Variants in THNSL1 observed in about 807,000 individuals in gnomAD.
The protein encoded by THNSL1 is threonine synthase-like 1.
In THNSL1, 48 loss-of-function variants were observed where a neutral mutation model predicts 50.4. The ratio of observed to expected loss-of-function variants is 0.95; its 90% confidence interval spans 0.76 to 1.21. The LOEUF is 1.21. THNSL1 is among the 50% of genes most tolerant of loss of function. The probability of loss-of-function intolerance (pLI) is 0.00; values close to 1 mark genes in which losing one functional copy is unlikely to be tolerated. For missense variants in THNSL1, 896 were observed against 871.7 expected, an observed-to-expected ratio of 1.03 and a Z score of -0.35; for synonymous variants, 309 against 306.1, an observed-to-expected ratio of 1.01 and a Z score of -0.10.
the THNSL1 span, chr10:24,990,549 C>T: frequency 1.2e-6 from 2 of 1,613,828 alleles, no homozygotes; most frequent in East Asian, 2.2e-5. Context: ...TCATAGTCTT[C>T]TTGGGCTTTC....
intron 2 of THNSL1, among the ~76,000 whole-genome samples, 155 bp from the exon 3 acceptor site, chr10:25,023,021 A>T (rs546252889): frequency 6.6e-6 from 1 of 152,314 alleles, no homozygotes; most frequent in African/African-American, 2.4e-5. Context: ...TTGGGTTGGA[A>T]TACTTTTTTT....
chr10:24,978,755 A>T, the THNSL1 span, among the ~76,000 whole-genome samples: 1 of 152,180 alleles, frequency 6.6e-6, no homozygotes, highest in Admixed American at 6.5e-5. Flanking sequence ...GCTTTCCTGC[A>T]TTCCGATCAG....
chr10:24,994,114 C>T, the THNSL1 span, among the ~76,000 whole-genome samples: 2 of 152,082 alleles, frequency 1.3e-5, no homozygotes, highest in Admixed American at 6.5e-5. Context: ...CCTTGAGGGT[C>T]CTGTTTTGAT....
upstream of THNSL1, among the ~76,000 whole-genome samples, chr10:25,014,819 CA>C (rs1850528853): frequency 6.6e-6 from 1 of 152,096 alleles, no homozygotes; most frequent in Non-Finnish European, 1.5e-5. Flanking sequence ...TAATTTAAAC[CA>C]GATACTTAAA....
Position 25,025,523 on chromosome 10 carries a change from G to C in THNSL1, c.*68G>C, listed in dbSNP as rs977944748. The stretch of plus-strand genomic sequence containing the variant: ...ATAATAAATCTCAAACACTGATTTG[G>C]AGTACAGTAGCATTTTGTCTTTTAT... On this transcript the variant is annotated 3_prime_UTR_variant, in exon 3 of 3. Coordinates refer to ENST00000376356, the MANE Select transcript of THNSL1 (RefSeq NM_024838.5). 4.9e-6 allele frequency: 7 copies of C among 1,417,566 alleles called. 1 individual carries two copies. The highest frequency in any genetic ancestry group is 4.5e-5 in the Admixed American group (2 of 44,764). 87.8% of individuals were successfully genotyped at this position (1,417,566 alleles called of 1,614,324 possible).
Position 25,025,471 on chromosome 10 carries a change from ATTT to A in THNSL1, c.*23_*25del. ...ATTCATATGAAAGCTTTCAGAGTAA[ATTT>A]TTTTTTCTAGCTATAAGCATGCAAT... On this transcript the variant is annotated 3_prime_UTR_variant, in exon 3 of 3. Coordinates refer to ENST00000376356, the MANE Select transcript of THNSL1 (RefSeq NM_024838.5). 8 of 1,580,450 alleles carry A rather than the reference ATTT, an allele frequency of 5.1e-6. No individual in the cohort carries two copies. The highest frequency in any genetic ancestry group is 6.0e-6 in the Non-Finnish European group (7 of 1,166,658).
Position 25,025,688 on chromosome 10 carries a change from T to G in THNSL1, c.*233T>G. 1 of 475,332 alleles carries G rather than the reference T, an allele frequency of 2.1e-6. No individual in the cohort carries two copies. Among genetic ancestry groups the G allele is most frequent in the Non-Finnish European group, 3.8e-6 (1 of 261,232 alleles). The allele number at this position is 475,332 out of a possible 1,614,324, so 29.4% of individuals were successfully genotyped here. A position where few individuals can be genotyped will look rare whatever the true frequency, so the allele number is the denominator to read the frequency against. ...TGCACGGACCTTTGAGCTATCATAC[T>G]TTTGCCTTCTGCTCATGAGGGGTGT... is the stretch of plus-strand genomic sequence containing the variant. On this transcript the variant is annotated 3_prime_UTR_variant, in exon 3 of 3. Transcript: ENST00000376356.
At chr10:24,998,542 T>C in the THNSL1 span, among the ~76,000 whole-genome samples, 22 of 151,796 alleles carry the variant, frequency 1.4e-4, no homozygotes, top group East Asian at 3.9e-3. Flanking sequence ...ACCTAGCTAA[T>C]TTTTTTTATT....
At chr10:24,963,337 C>G in the THNSL1 span, among the ~76,000 whole-genome samples, 4 of 152,168 alleles carry the variant, frequency 2.6e-5, no homozygotes, top group African/African-American at 9.7e-5. Context: ...TTACCTGTGA[C>G]CTTTCTGTAT....
the THNSL1 span, among the ~76,000 whole-genome samples, chr10:24,987,939 G>A: frequency 1.1e-4 from 17 of 152,012 alleles, 1 homozygote; most frequent in East Asian, 3.1e-3. Flanking sequence ...TTGTATTAAC[G>A]GCTGGGCAGA....
Position 25,023,414 on chromosome 10 carries a change from C to A in THNSL1, c.191C>A (p.Pro64His). 6.2e-7 allele frequency: 1 copy of A among 1,614,104 alleles called. No individual in the cohort carries two copies. Residue 64 changes from proline to histidine, a missense_variant, in exon 3 of 3, where the codon CCT becomes CAT. Coordinates refer to ENST00000376356, the MANE Select transcript of THNSL1 (RefSeq NM_024838.5). ...GDKNIILMGP[P>H]GAGKTTVGRI... is the part of the protein sequence containing the mutation. ...AAAAATATTATCCTGATGGGACCTC[C>A]TGGTGCTGGGAAAACAACAGTAGGC...
chr10:24,999,045 G>T, the THNSL1 span, among the ~76,000 whole-genome samples: 1 of 152,150 alleles, frequency 6.6e-6, no homozygotes, highest in African/African-American at 2.4e-5. Context: ...GGCCAGACAG[G>T]GTTTAGATGC....
At chr10:25,018,626 T>A (rs1850656577) in intron 1 of THNSL1, among the ~76,000 whole-genome samples, 1 of 151,694 alleles carries the variant, frequency 6.6e-6, no homozygotes, top group South Asian at 2.1e-4. Context: ...TATATAATGG[T>A]ATGCCTGTGA....
At chr10:24,995,461 A>G in the THNSL1 span, among the ~76,000 whole-genome samples, 1 of 152,230 alleles carries the variant, frequency 6.6e-6, no homozygotes, top group Admixed American at 6.5e-5. Flanking sequence ...ATTGTTTACT[A>G]TGGGTTCTTT....
the THNSL1 span, chr10:24,953,189 T>C: frequency 6.6e-6 from 1 of 152,088 alleles, no homozygotes; most frequent in Non-Finnish European, 1.5e-5. Flanking sequence ...CTCATCTCCC[T>C]CCACCTCCCC....
chr10:24,958,235 A>G, the THNSL1 span, among the ~76,000 whole-genome samples: 1 of 152,220 alleles, frequency 6.6e-6, no homozygotes, highest in Non-Finnish European at 1.5e-5. Context: ...GTTGAAATCC[A>G]TAAACATCTG....
chr10:24,994,419 C>CT, the THNSL1 span, among the ~76,000 whole-genome samples: 1 of 151,564 alleles, frequency 6.6e-6, no homozygotes, highest in South Asian at 2.1e-4. Flanking sequence ...CTGCAACCCC[C>CT]GCCTCCTGGG....
At chr10:24,991,630 A>C in the THNSL1 span, among the ~76,000 whole-genome samples, 1 of 151,994 alleles carries the variant, frequency 6.6e-6, no homozygotes, top group Non-Finnish European at 1.5e-5. Flanking sequence ...CCAGGGAAAA[A>C]CCATCTCCCT....
chr10:24,999,479 T>C, the THNSL1 span: 7 of 1,613,222 alleles, frequency 4.3e-6, no homozygotes, highest in South Asian at 6.6e-5. Context: ...GCTGGTCCCA[T>C]AGTTTTCATT....
Sources: gnomAD v4.1 joint callset for allele counts (sites outside exome capture counted in the v4.1 genomes callset) on GRCh38, gnomAD v4.1.1 for gene constraint, MANE v1.5 for transcripts, NCBI Gene and HGNC (gene_info 2026-07-23, HGNC 2026-07-21) for gene names.